ZCCHC7: variants seen among roughly 807,000 people sequenced by gnomAD.
The protein encoded by ZCCHC7 is zinc finger CCHC-type containing 7.
ZCCHC7 carries 35 observed loss-of-function variants against 52.0 expected under a neutral mutation model. The observed-to-expected ratio is 0.67, with a 90% CI of 0.51 to 0.89. The LOEUF (loss-of-function observed/expected upper bound fraction) is 0.89. ZCCHC7 is among the 40% of genes least tolerant of loss of function. The pLI, the probability that ZCCHC7 is intolerant of heterozygous loss-of-function variation, is 0.00. For missense variants in ZCCHC7, 574 were observed against 649.1 expected, an observed-to-expected ratio of 0.88 and a Z score of 1.26; for synonymous variants, 217 against 221.5, an observed-to-expected ratio of 0.98 and a Z score of 0.18.
At chr9:37,293,051 C>T (rs567390156) in intron 2 of ZCCHC7, among the ~76,000 whole-genome samples, 1 of 152,168 alleles carries the variant, frequency 6.6e-6, no homozygotes, top group East Asian at 1.9e-4. Context: ...TTGAGGCACT[C>T]ATAACAATAG....
intron 2 of ZCCHC7, among the ~76,000 whole-genome samples, chr9:37,159,582 G>A (rs975089429): frequency 1.3e-5 from 2 of 152,138 alleles, no homozygotes; most frequent in African/African-American, 2.4e-5. Flanking sequence ...CATTATTACT[G>A]TATCTCAATG....
At chr9:37,280,609 CAAA>C (rs34669154) in intron 2 of ZCCHC7, among the ~76,000 whole-genome samples, 1 of 146,298 alleles carries the variant, frequency 6.8e-6, no homozygotes, top group African/African-American at 2.5e-5. Context: ...AAATCTATAG[CAAA>C]AAAAAAAAAA....
chr9:37,287,327 T>C (rs1187325017), intron 2 of ZCCHC7, among the ~76,000 whole-genome samples: 1 of 152,042 alleles, frequency 6.6e-6, no homozygotes, highest in Non-Finnish European at 1.5e-5. Context: ...TGTACAAAAG[T>C]ATACAGTCAA....
intron 2 of ZCCHC7, among the ~76,000 whole-genome samples, chr9:37,190,818 A>G (rs1441173031): frequency 6.6e-6 from 1 of 152,154 alleles, no homozygotes; most frequent in East Asian, 1.9e-4. Flanking sequence ...CAGGAGTTCG[A>G]GACCAGCCTG....
intron 2 of ZCCHC7, among the ~76,000 whole-genome samples, chr9:37,128,170 G>A (rs951257003): frequency 1.6e-4 from 25 of 152,176 alleles, no homozygotes; most frequent in African/African-American, 6.0e-4. Context: ...ATTGGGTTGG[G>A]GGCCAGGTTA....
At chr9:37,132,772 A>ACAT (rs1314720336) in intron 2 of ZCCHC7, among the ~76,000 whole-genome samples, 41 of 152,336 alleles carry the variant, frequency 2.7e-4, no homozygotes, top group Admixed American at 8.5e-4. Flanking sequence ...TTTGGCTTCC[A>ACAT]TGGGCCACAT....
chr9:37,142,615 T>C (rs996525028), intron 2 of ZCCHC7, among the ~76,000 whole-genome samples: 25 of 151,762 alleles, frequency 1.6e-4, no homozygotes, highest in African/African-American at 6.0e-4. Flanking sequence ...AAGAAGAAAA[T>C]GTATCCTGAT....
intron 2 of ZCCHC7, among the ~76,000 whole-genome samples, chr9:37,141,688 G>A (rs1464256780): frequency 6.6e-6 from 1 of 151,804 alleles, no homozygotes; most frequent in Non-Finnish European, 1.5e-5. Context: ...ATATTAAGTA[G>A]TTGTTTACAA....
chr9:37,356,958 A>G lies in ZCCHC7; in HGVS notation c.1322A>G (p.Gln441Arg), dbSNP rs1191568705. ...RASWKSNRWP[Q>R]ENKETQKEMK... Reference sequence around the variant, plus strand: ...TCATGGAAAAGCAACAGGTGGCCTCAAGAAAATAAAGAAACACAAAAAGAA... The same window carrying G: ...TCATGGAAAAGCAACAGGTGGCCTCGAGAAAATAAAGAAACACAAAAAGAA... The change falls in exon 9 of 9, where the codon CAA becomes CGA. Residue 441 changes from glutamine (Q) to arginine (R), a missense_variant. Gln to Arg is a conservative substitution (Grantham distance 43). This residue lies in a region of ZCCHC7 where 168 missense variants were observed against 171.6 expected (regional missense o/e 0.98). Transcript: ENST00000336755. 5 of 1,613,764 alleles carry G rather than the reference A, an allele frequency of 3.1e-6. No individual in the cohort carries two copies. The East Asian group carries it at 6.7e-5, about 22-fold the overall frequency.
intron 2 of ZCCHC7, among the ~76,000 whole-genome samples, chr9:37,135,999 A>G (rs1842981673): frequency 6.6e-6 from 1 of 152,198 alleles, no homozygotes; most frequent in Non-Finnish European, 1.5e-5. Context: ...TAGGTTTTCT[A>G]GTAAATCATT....
chr9:37,181,286 A>C (rs1268691022), intron 2 of ZCCHC7, among the ~76,000 whole-genome samples: 1 of 152,208 alleles, frequency 6.6e-6, no homozygotes, highest in East Asian at 1.9e-4. Context: ...TAAACTCAGA[A>C]GAGCAGCCTT....
chr9:37,179,801 CT>C (rs1045385512), intron 2 of ZCCHC7, among the ~76,000 whole-genome samples: 1 of 152,106 alleles, frequency 6.6e-6, no homozygotes, highest in African/African-American at 2.4e-5. Flanking sequence ...GAAAAAGGAT[CT>C]TCCTTCATGA....
At position 37,184,752 on chromosome 9, in the gene ZCCHC7, C is replaced by A. The variant is rs73448447; in HGVS notation, c.610+57810C>A. ...AGGCTGCATGTGGGATAGGTTTGCT[C>A]AGGCATACTTCTTAGGAAGTAGTCA... On this transcript the variant is annotated intron_variant, in intron 2 of 8. Transcript: ENST00000336755. Among the ~76,000 whole-genome samples, 601 of 152,100 alleles carry A rather than the reference C, an allele frequency of 4.0e-3. 9 individuals are homozygous for A. Among genetic ancestry groups the A allele is most frequent in the African/African-American group, 0.014 (576 of 41,474 alleles).
intron 5 of ZCCHC7, among the ~76,000 whole-genome samples, chr9:37,316,521 C>T (rs1829830327): frequency 6.6e-6 from 1 of 151,460 alleles, no homozygotes; most frequent in Admixed American, 6.6e-5. Context: ...GATGGGGTTT[C>T]GCCATGTTGT....
chr9:37,129,742 A>T (rs1387561718), intron 2 of ZCCHC7, among the ~76,000 whole-genome samples: 1 of 152,250 alleles, frequency 6.6e-6, no homozygotes, highest in Admixed American at 6.5e-5. Context: ...AGTATGACAT[A>T]AAAGAAAAGA....
intron 2 of ZCCHC7, among the ~76,000 whole-genome samples, chr9:37,164,207 C>T (rs781053223): frequency 6.6e-6 from 1 of 151,974 alleles, no homozygotes; most frequent in East Asian, 1.9e-4. Flanking sequence ...TTTGGGAGGC[C>T]GAACTGGGCA....
chr9:37,219,272 A>G (rs1244303966), intron 2 of ZCCHC7, among the ~76,000 whole-genome samples: 3 of 152,224 alleles, frequency 2.0e-5, no homozygotes, highest in Non-Finnish European at 4.4e-5. Context: ...ACGCTCATTC[A>G]TGTACATATT....
chr9:37,144,100 A>G (rs889236963), intron 2 of ZCCHC7, among the ~76,000 whole-genome samples: 9 of 151,964 alleles, frequency 5.9e-5, no homozygotes, highest in Admixed American at 3.3e-4. Flanking sequence ...ACTTAAGGGA[A>G]ATACATAAAA....
chr9:37,226,077 C>G (rs1825081837), intron 2 of ZCCHC7, among the ~76,000 whole-genome samples: 1 of 152,174 alleles, frequency 6.6e-6, no homozygotes, highest in South Asian at 2.1e-4. Flanking sequence ...GCTACTGGCA[C>G]TAATAAGTTT....
Sources: allele counts gnomAD v4.1 joint callset (sites outside exome capture counted in the v4.1 genomes callset), GRCh38; gene constraint gnomAD v4.1.1; regional missense constraint gnomAD v4.1.1; transcripts MANE v1.5; gene names NCBI Gene and HGNC (gene_info 2026-07-23, HGNC 2026-07-21).